ZNF157: variants seen among roughly 807,000 people sequenced by gnomAD.
ZNF157 encodes the protein zinc finger protein 157, also known as zinc finger protein 22.
ZNF157 carries 8 observed loss-of-function variants against 9.4 expected under a neutral mutation model. That is an observed-to-expected ratio of 0.85 (90% CI 0.50 to 1.53). The LOEUF (loss-of-function observed/expected upper bound fraction) is 1.53. Ranked by LOEUF, ZNF157 falls within the 40% of genes most tolerant of loss-of-function variation. The pLI is 0.00. For missense variants in ZNF157, 316 were observed against 385.2 expected (o/e 0.82, Z 1.50); for synonymous variants, 120 against 130.8 (o/e 0.92, Z 0.56).
intron 1 of ZNF157, among the ~76,000 whole-genome samples, chrX:47,392,952 C>T (rs2050358040): frequency 9.0e-6 from 1 of 110,880 alleles, no homozygotes; most frequent in East Asian, 2.8e-4. Flanking sequence ...GTCAGGAGTT[C>T]GAGACCAGCC....
In ZNF157 at chrX:47,412,446, C is replaced by G. The variant is rs761071694; in HGVS notation, c.373C>G (p.Gln125Glu). ...LRHDNDLLHH[Q>E]KIQTLDQNVE... ...GCATGATAATGACCTTCTTCACCAT[C>G]AGAAGATTCAAACATTGGATCAAAA... is the stretch of plus-strand genomic sequence containing the variant. Residue 125 changes from glutamine to glutamate, a missense_variant, in exon 4 of 4, where the codon CAG becomes GAG. Physicochemically the swap from Gln to Glu is conservative, Grantham distance 29 (BLOSUM62 2). Around this residue, in one of 3 missense-constraint regions of ZNF157, gnomAD observed 146 missense variants for 183.8 expected, o/e 0.79. Transcript: ENST00000377073. The G allele has an allele frequency of 2.5e-6, 3 of 1,211,674 alleles. No individual in the cohort carries two copies. Among genetic ancestry groups the G allele is most frequent in the Non-Finnish European group, 3.4e-6 (3 of 895,326 alleles).
At chrX:47,409,841 C>T (rs1341571435) in intron 1 of ZNF157, among the ~76,000 whole-genome samples, 4 of 104,709 alleles carry the variant, frequency 3.8e-5, no homozygotes, top group Non-Finnish European at 7.9e-5. Context: ...ATGGGGTTCA[C>T]CCCATCTCTG....
chrX:47,380,416 G>A (rs2055857750), intron 1 of ZNF157, among the ~76,000 whole-genome samples: 1 of 111,731 alleles, frequency 9.0e-6, no homozygotes, highest in Non-Finnish European at 1.9e-5. Context: ...CCCCTCCTTT[G>A]ATTCTTACCT....
intron 1 of ZNF157, among the ~76,000 whole-genome samples, chrX:47,374,945 A>ATCCACCCACCTCG (rs2055839709): frequency 1.1e-5 from 1 of 93,083 alleles, no homozygotes; most frequent in African/African-American, 4.0e-5. Context: ...TCCTGACCTC[A>ATCCACCCACCTCG]GCCTCCCAAA....
intron 1 of ZNF157, among the ~76,000 whole-genome samples, chrX:47,379,669 G>A (rs929402223): frequency 6.6e-5 from 7 of 106,235 alleles, no homozygotes; most frequent in Non-Finnish European, 1.3e-4. Flanking sequence ...GCACTGCCTT[G>A]GCCTCCCAGT....
rs978927145 is a variant in ZNF157 at position 47,373,381 on chromosome X, A to G, written c.72+2641A>G. On this transcript the variant is annotated intron_variant, in intron 1 of 3. Transcript: ENST00000377073. ...AATACATTGCAAGAGAGCAACAGGT[A>G]GAATCAGCAAAAGAGGAACTGACTT... is the stretch of plus-strand genomic sequence containing the variant. Among the ~76,000 whole-genome samples, 19 of 111,318 alleles carry G rather than the reference A, an allele frequency of 1.7e-4. No homozygotes were observed. The Admixed American group carries it at 1.8e-3, about 11-fold the overall frequency.
intron 1 of ZNF157, among the ~76,000 whole-genome samples, chrX:47,389,301 G>A (rs1445264477): frequency 1.8e-5 from 2 of 108,680 alleles, no homozygotes; most frequent in Non-Finnish European, 3.8e-5. Context: ...TGACTCCTGG[G>A]TTCTAGCGAT....
At chrX:47,396,071 T>C (rs1228604407) in intron 1 of ZNF157, among the ~76,000 whole-genome samples, 2 of 111,340 alleles carry the variant, frequency 1.8e-5, no homozygotes, top group Non-Finnish European at 3.8e-5. Flanking sequence ...TATATGCATA[T>C]ATATTTATAT....
At chrX:47,390,503 C>G (rs760576525) in intron 1 of ZNF157, 1 of 111,706 alleles carries the variant, frequency 9.0e-6, no homozygotes, top group Non-Finnish European at 1.9e-5. Flanking sequence ...GTCGGGAGTT[C>G]GAGACCAGCC....
chrX:47,412,973 A>T lies in ZNF157; in HGVS notation c.900A>T (p.Lys300Asn), dbSNP rs370573713. ...ACCACAGAACTCATACAGGGGAGAA[A>T]CCTTATGAATGTGGGGAGTGTGGGA... Reference protein sequence around the residue: ...TQHHRTHTGEKPYECGECGKN... With the variant: ...TQHHRTHTGENPYECGECGKN... Residue 300 changes from lysine (K) to asparagine (N), a missense_variant, in exon 4 of 4, where the codon AAA becomes AAT. This residue lies in a region of ZNF157 where 167 missense variants were observed against 183.6 expected (regional missense o/e 0.91). Coordinates refer to ENST00000377073, the MANE Select transcript of ZNF157 (RefSeq NM_003446.4). 3.2e-5 allele frequency: 39 copies of T among 1,209,455 alleles called. No individual in the cohort carries two copies. The highest frequency in any genetic ancestry group is 4.2e-5 in the Non-Finnish European group (38 of 894,835).
chrX:47,408,364 C>G (rs1043928865), intron 1 of ZNF157, among the ~76,000 whole-genome samples: 3 of 111,200 alleles, frequency 2.7e-5, no homozygotes, highest in Non-Finnish European at 5.7e-5. Context: ...CTACCTCAGT[C>G]TCCCAAAGTG....
rs749241107 is a variant in ZNF157 at position 47,413,573 on chromosome X, A to G, written c.1500A>G (p.Thr500=). The G allele has an allele frequency of 1.3e-5, 15 of 1,194,077 alleles. No homozygotes were observed. The East Asian group carries it at 4.2e-4, about 33-fold the overall frequency. ...RTHIGWSWRC[T]MKKASH ...ACATAGGCTGGTCCTGGCGTTGTAC[A>G]ATGAAGAAAGCCTCTCACTGAAGAC... The change falls in exon 4 of 4, where the codon ACA becomes ACG. Residue 500 remains threonine, a synonymous_variant. Coordinates refer to ENST00000377073, the MANE Select transcript of ZNF157 (RefSeq NM_003446.4).
In ZNF157 at chrX:47,414,165, C is replaced by T. The variant is rs978013437; in HGVS notation, c.*571C>T. 9.1e-6 allele frequency: 1 copy of T among 110,165 alleles called. No homozygotes were observed. Among genetic ancestry groups the T allele is most frequent in the African/African-American group, 3.3e-5 (1 of 30,284 alleles). The allele number at this position is 110,165 out of a possible 1,213,427, so 9.1% of individuals were successfully genotyped here. A position where few individuals can be genotyped will look rare whatever the true frequency, so the allele number is the denominator to read the frequency against. On this transcript the variant is annotated 3_prime_UTR_variant, in exon 4 of 4. Coordinates refer to ENST00000377073, the MANE Select transcript of ZNF157 (RefSeq NM_003446.4). ...TAGCTGGGATTACAGGTGTGCACCA[C>T]CATGCCTGGCTAATTTTTGTATTTT...
intron 1 of ZNF157, among the ~76,000 whole-genome samples, chrX:47,385,543 C>CTGTG (rs1469633074): frequency 2.2e-5 from 1 of 45,913 alleles, no homozygotes; most frequent in African/African-American, 7.6e-5. Context: ...CTAAGCGATT[C>CTGTG]CGTGTGTGTG....
At chrX:47,404,148 C>T (rs1418299807) in intron 1 of ZNF157, among the ~76,000 whole-genome samples, 2 of 104,357 alleles carry the variant, frequency 1.9e-5, no homozygotes, top group African/African-American at 6.6e-5. Flanking sequence ...GCAGCCTGTG[C>T]GGCAGAGCCA....
intron 1 of ZNF157, among the ~76,000 whole-genome samples, chrX:47,402,563 A>G (rs1468958657): frequency 1.0e-5 from 1 of 98,509 alleles, no homozygotes; most frequent in Non-Finnish European, 2.0e-5. Context: ...TTTTGGAGTC[A>G]GAGTCTTGCT....
intron 1 of ZNF157, among the ~76,000 whole-genome samples, chrX:47,389,514 C>T (rs1348316549): frequency 9.0e-6 from 1 of 111,527 alleles, no homozygotes; most frequent in Non-Finnish European, 1.9e-5. Context: ...CCATGCCTGG[C>T]TAATTTTTTA....
intron 1 of ZNF157, among the ~76,000 whole-genome samples, chrX:47,374,397 C>CTTTT (rs749372735): frequency 1.2e-5 from 1 of 85,458 alleles, no homozygotes; most frequent in Non-Finnish European, 2.2e-5. Context: ...AATAGACAAT[C>CTTTT]TTTTTTTTTT....
intron 1 of ZNF157, among the ~76,000 whole-genome samples, chrX:47,371,361 C>T (rs959044587): frequency 1.8e-5 from 2 of 108,650 alleles, no homozygotes; most frequent in Admixed American, 1.0e-4. Flanking sequence ...TTTTATTTGC[C>T]GGGCATGGCA....
Sources: allele counts gnomAD v4.1 joint callset (sites outside exome capture counted in the v4.1 genomes callset), GRCh38; gene constraint gnomAD v4.1.1; regional missense constraint gnomAD v4.1.1; transcripts MANE v1.5; gene names NCBI Gene and HGNC (gene_info 2026-07-23, HGNC 2026-07-21).